The following SUGCT variants were observed in gnomAD, a reference collection of about 807,000 sequenced individuals.
The protein encoded by SUGCT is succinyl-CoA:glutarate CoA-transferase.
In SUGCT, 41 loss-of-function variants were observed where a neutral mutation model predicts 55.0. That is an observed-to-expected ratio of 0.74 (90% CI 0.58 to 0.97). SUGCT has a LOEUF of 0.97. Ranked by LOEUF, SUGCT falls within the 50% of genes least tolerant of loss-of-function variation. SUGCT has a pLI of 0.00. For missense variants in SUGCT, 568 were observed against 547.8 expected (o/e 1.04, Z -0.37); for synonymous variants, 187 against 200.4 (o/e 0.93, Z 0.56).
chr7:40,955,717 A>T, the SUGCT span, among the ~76,000 whole-genome samples: 3 of 152,208 alleles, frequency 2.0e-5, no homozygotes, highest in African/African-American at 7.2e-5. Flanking sequence ...GTGGTTTTCA[A>T]AGGGAATGCT....
the SUGCT span, among the ~76,000 whole-genome samples, chr7:40,923,438 T>C: frequency 2.0e-5 from 3 of 152,166 alleles, no homozygotes; most frequent in South Asian, 6.2e-4. Context: ...TTAACCATGG[T>C]TTTGCACCAT....
intron 12 of SUGCT, among the ~76,000 whole-genome samples, chr7:40,699,600 G>A (rs943430387): frequency 7.2e-5 from 11 of 152,230 alleles, no homozygotes; most frequent in African/African-American, 2.2e-4. Context: ...CCCTCACAGT[G>A]GCTTACGCCT....
the SUGCT span, among the ~76,000 whole-genome samples, chr7:40,913,582 G>A: frequency 6.6e-6 from 1 of 152,178 alleles, no homozygotes; most frequent in Non-Finnish European, 1.5e-5. Flanking sequence ...AAATAATGCT[G>A]CCTACCAAAT....
At chr7:40,893,282 T>C in the SUGCT span, among the ~76,000 whole-genome samples, 1 of 152,018 alleles carries the variant, frequency 6.6e-6, no homozygotes, top group Non-Finnish European at 1.5e-5. Context: ...AGAAAACCAG[T>C]AAGGAAACAG....
chr7:40,760,999 C>A (rs1788501905), intron 13 of SUGCT, among the ~76,000 whole-genome samples: 1 of 152,172 alleles, frequency 6.6e-6, no homozygotes, highest in Non-Finnish European at 1.5e-5. Flanking sequence ...TAAAACTAGC[C>A]ACATCATTAA....
At chr7:40,493,364 C>T (rs770158054) in intron 11 of SUGCT, among the ~76,000 whole-genome samples, 2 of 152,114 alleles carry the variant, frequency 1.3e-5, no homozygotes, top group African/African-American at 4.8e-5. Context: ...CAATTATTTC[C>T]AACTCTCACC....
intron 12 of SUGCT, among the ~76,000 whole-genome samples, chr7:40,565,593 C>T (rs1308689777): frequency 6.6e-6 from 1 of 152,124 alleles, no homozygotes; most frequent in East Asian, 1.9e-4. Context: ...TCATTGAACA[C>T]GATGATCATC....
chr7:40,682,185 AG>A, intron 12 of SUGCT, among the ~76,000 whole-genome samples: 1 of 152,272 alleles, frequency 6.6e-6, no homozygotes, highest in East Asian at 1.9e-4. Context: ...CTGCTAAAAG[AG>A]GGGTCCCTGC....
At chr7:40,942,456 G>A in the SUGCT span, among the ~76,000 whole-genome samples, 3 of 152,030 alleles carry the variant, frequency 2.0e-5, no homozygotes, top group African/African-American at 7.2e-5. Flanking sequence ...GTTTTCCTTT[G>A]TAGGTTACAT....
At chr7:40,405,287 G>C (rs568778179) in intron 9 of SUGCT, among the ~76,000 whole-genome samples, 2 of 152,186 alleles carry the variant, frequency 1.3e-5, no homozygotes, top group African/African-American at 4.8e-5. Flanking sequence ...CTCTTTTAAA[G>C]TGATGTAGTA....
chr7:40,671,497 A>G (rs148154310), intron 12 of SUGCT, among the ~76,000 whole-genome samples: 2 of 152,218 alleles, frequency 1.3e-5, no homozygotes, highest in Non-Finnish European at 2.9e-5. Flanking sequence ...TTCTAGAACT[A>G]AAGATTGAGT....
At chr7:40,470,604 C>T (rs902856202) in intron 11 of SUGCT, among the ~76,000 whole-genome samples, 2 of 152,162 alleles carry the variant, frequency 1.3e-5, no homozygotes, top group Non-Finnish European at 2.9e-5. Context: ...TCACACAGCT[C>T]ATTGATGAGG....
At chr7:40,245,991 C>A (rs1015150252) in intron 7 of SUGCT, among the ~76,000 whole-genome samples, 1 of 151,936 alleles carries the variant, frequency 6.6e-6, no homozygotes, top group Non-Finnish European at 1.5e-5. Flanking sequence ...CATGCCATCA[C>A]GCTCAGCTAA....
intron 9 of SUGCT, among the ~76,000 whole-genome samples, chr7:40,352,739 G>A (rs78836727): frequency 0.13 from 20,249 of 152,090 alleles, 1,770 homozygotes; most frequent in Middle Eastern, 0.21. Flanking sequence ...ATGAACATAC[G>A]CGTGCGTGTG....
chr7:40,721,260 T>C (rs1786321697), intron 12 of SUGCT, among the ~76,000 whole-genome samples: 1 of 152,118 alleles, frequency 6.6e-6, no homozygotes, highest in Admixed American at 6.5e-5. Context: ...TGCTGGGAGG[T>C]AACCAGATTA....
intron 12 of SUGCT, among the ~76,000 whole-genome samples, chr7:40,606,954 A>G (rs1032666314): frequency 6.6e-5 from 10 of 152,204 alleles, no homozygotes; most frequent in African/African-American, 2.4e-4. Flanking sequence ...ATGTATTCAT[A>G]TGCATAATTT....
rs555898664 is a variant in SUGCT, at chr7:40,260,720, C to T, written c.577-13793C>T. Among the ~76,000 whole-genome samples the T allele has an allele frequency of 1.8e-4, 27 of 152,242 alleles. No individual in the cohort carries two copies. The South Asian group carries it at 4.8e-3, about 27-fold the overall frequency. On this transcript the variant is annotated intron_variant, in intron 7 of 13. Coordinates refer to ENST00000335693, the MANE Select transcript of SUGCT (RefSeq NM_001193313.2). ...AGACTGGAGTGCAATGGAGTGATCT[C>T]GGCTTACTGCAACCTCTGCCTTCTG...
At chr7:40,307,407 C>A (rs1246918473) in intron 8 of SUGCT, among the ~76,000 whole-genome samples, 1 of 152,130 alleles carries the variant, frequency 6.6e-6, no homozygotes, top group Non-Finnish European at 1.5e-5. Flanking sequence ...TTTCCAGGTT[C>A]AGGGCCACTC....
At chr7:40,873,099 A>G in the SUGCT span, among the ~76,000 whole-genome samples, 4 of 152,134 alleles carry the variant, frequency 2.6e-5, no homozygotes, top group East Asian at 7.7e-4. Context: ...TACAATATGG[A>G]GCTTTCAAGA....
Sources: allele counts gnomAD v4.1 joint callset (sites outside exome capture counted in the v4.1 genomes callset), GRCh38; gene constraint gnomAD v4.1.1; transcripts MANE v1.5; gene names NCBI Gene and HGNC (gene_info 2026-07-23, HGNC 2026-07-21).